TEX10: variants seen among roughly 807,000 people sequenced by gnomAD.
The protein encoded by TEX10 is testis expressed 10, also known as testis-expressed protein 10.
A neutral mutation model predicts 104.4 loss-of-function variants in TEX10; 24 were observed. The ratio of observed to expected loss-of-function variants is 0.23; its 90% confidence interval spans 0.17 to 0.32. The LOEUF (loss-of-function observed/expected upper bound fraction) is 0.32, where lower values mean the gene tolerates loss of function less well. Ranked by LOEUF, TEX10 falls within the 10% of genes least tolerant of loss-of-function variation. TEX10 has a pLI of 1.00. For synonymous variants in TEX10, 396 were observed against 393.4 expected, an observed-to-expected ratio of 1.01 and a Z score of -0.08; for missense variants, 921 against 1,083.9, an observed-to-expected ratio of 0.85 and a Z score of 2.11.
At chr9:100,352,374 C>T in intron 1 of TEX10, 6 of 1,551,698 alleles carry the variant, frequency 3.9e-6, no homozygotes, top group African/African-American at 1.4e-5. Context: ...CCAGCTCATC[C>T]CCACTCCGTA....
intron 11 of TEX10, among the ~76,000 whole-genome samples, chr9:100,310,642 T>C (rs1456373134): frequency 1.3e-5 from 2 of 152,170 alleles, no homozygotes; most frequent in Non-Finnish European, 2.9e-5. Context: ...TCCACCATTT[T>C]GCCCAGGCTT....
At chr9:100,321,159 G>A (rs1199674476) in intron 10 of TEX10, among the ~76,000 whole-genome samples, 1 of 152,050 alleles carries the variant, frequency 6.6e-6, no homozygotes, top group South Asian at 2.1e-4. Context: ...CACCTCAAAT[G>A]TATACATTCA....
At chr9:100,336,445 G>A (rs1430390133) in intron 5 of TEX10, among the ~76,000 whole-genome samples, 1 of 152,178 alleles carries the variant, frequency 6.6e-6, no homozygotes, top group Non-Finnish European at 1.5e-5. Flanking sequence ...ATAGGAGCAT[G>A]AACCCTATTG....
chr9:100,343,026 G>A (rs1835211464), intron 4 of TEX10, among the ~76,000 whole-genome samples: 1 of 151,684 alleles, frequency 6.6e-6, no homozygotes, highest in Non-Finnish European at 1.5e-5. Flanking sequence ...GCAGGCGCCT[G>A]TAGTCCCAGA....
chr9:100,313,845 CAAAAAAA>C (rs34304010), intron 11 of TEX10, among the ~76,000 whole-genome samples: 1 of 90,734 alleles, frequency 1.1e-5, no homozygotes, highest in East Asian at 3.0e-4. Flanking sequence ...ACTGTGTTTC[CAAAAAAA>C]AAAAAAAAAA....
intron 13 of TEX10, chr9:100,307,609 C>A (rs1435273553): frequency 6.6e-6 from 1 of 151,798 alleles, no homozygotes; most frequent in Non-Finnish European, 1.5e-5. Flanking sequence ...CACAAATGCA[C>A]ATAAAACCAT....
chr9:100,341,702 C>G (rs1835178878), intron 4 of TEX10, among the ~76,000 whole-genome samples: 2 of 152,114 alleles, frequency 1.3e-5, no homozygotes, highest in South Asian at 4.1e-4. Flanking sequence ...CAATTCCCCA[C>G]ACAGCAGCCA....
At chr9:100,322,573 T>G (rs1422798920) in intron 9 of TEX10, among the ~76,000 whole-genome samples, 2 of 152,150 alleles carry the variant, frequency 1.3e-5, no homozygotes, top group Non-Finnish European at 2.9e-5. Context: ...TATAAGTACT[T>G]AGTAATTTTT....
chr9:100,311,512 GA>G (rs1834281425), intron 11 of TEX10, among the ~76,000 whole-genome samples: 1 of 152,182 alleles, frequency 6.6e-6, no homozygotes, highest in Non-Finnish European at 1.5e-5. Flanking sequence ...TGCTATGACA[GA>G]AAGATCTGAG....
Position 100,346,463 on chromosome 9 carries a change from T to C in TEX10, c.894-148A>G. 3 of 1,125,094 alleles carry C rather than the reference T, an allele frequency of 2.7e-6. No homozygotes were observed. The South Asian group carries it at 5.5e-5, about 21-fold the overall frequency. The allele number at this position is 1,125,094 out of a possible 1,614,324, so 69.7% of individuals were successfully genotyped here. On this transcript the variant is annotated intron_variant, in intron 3 of 14. Transcript: ENST00000374902. ...TCAAAACTAGTAAGAAAAATGAAATTCTAAGATGACAAAGCCAAAAGATAT... is the reference window on the plus strand; with the variant it reads ...TCAAAACTAGTAAGAAAAATGAAATCCTAAGATGACAAAGCCAAAAGATAT...
rs1307031269 is a variant in TEX10, at chr9:100,303,665, C to T, written c.2643G>A (p.Ala881=). 11 of 1,613,950 alleles carry T rather than the reference C, an allele frequency of 6.8e-6. No individual in the cohort carries two copies. The highest frequency in any genetic ancestry group is 2.7e-5 in the African/African-American group (2 of 74,880). ...APLRTHMLTN[A]ILVQQIIKNI... ...TCTTGATGATCTGCTGCACCAAGAT[C>T]GCATTGGTCAACATATGAGTCCTGA... Residue 881 remains alanine (A), a synonymous_variant, in exon 14 of 15, where the codon GCG becomes GCA. Transcript: ENST00000374902.
intron 14 of TEX10, among the ~76,000 whole-genome samples, chr9:100,302,997 G>T (rs1279911971): frequency 1.3e-5 from 2 of 148,536 alleles, no homozygotes; most frequent in African/African-American, 5.0e-5. Context: ...AACAGACACA[G>T]CTGAAGGCAG....
chr9:100,328,623 T>C (rs1440819492), intron 7 of TEX10, among the ~76,000 whole-genome samples: 1 of 152,232 alleles, frequency 6.6e-6, no homozygotes, highest in East Asian at 1.9e-4. Context: ...TACCTATATA[T>C]GTTGAGGTAT....
intron 9 of TEX10, 44 bp downstream of exon 9, chr9:100,326,257 GA>G (rs1374509315): frequency 5.7e-6 from 9 of 1,574,088 alleles, no homozygotes; most frequent in Non-Finnish European, 7.8e-6. Context: ...AGTAAAAGGG[GA>G]AAAAGATTAT....
chr9:100,318,985 A>C (rs1834495446), intron 11 of TEX10, among the ~76,000 whole-genome samples: 1 of 144,708 alleles, frequency 6.9e-6, no homozygotes, highest in Non-Finnish European at 1.6e-5. Flanking sequence ...TGAGGTTAGG[A>C]ATTCAAGACC....
intron 13 of TEX10, chr9:100,307,724 G>A (rs1834177587): frequency 6.6e-6 from 1 of 152,046 alleles, no homozygotes; most frequent in Non-Finnish European, 1.5e-5. Context: ...TATATGTGCT[G>A]ATGATATTCT....
chr9:100,321,523 T>G (rs763221032), intron 10 of TEX10, among the ~76,000 whole-genome samples, 160 bp downstream of exon 10: 12 of 152,188 alleles, frequency 7.9e-5, no homozygotes, highest in Non-Finnish European at 1.3e-4. Flanking sequence ...GTTAGAAATA[T>G]TCTTTCGATT....
At chr9:100,303,916 A>C in intron 13 of TEX10, 74 bp from the exon 14 acceptor site, 24 of 1,346,716 alleles carry the variant, frequency 1.8e-5, no homozygotes, top group Non-Finnish European at 2.3e-5. Flanking sequence ...TATTCCCCCA[A>C]AGTGAAATGT....
chr9:100,351,159 G>A (rs1173125798), intron 1 of TEX10, among the ~76,000 whole-genome samples: 1 of 151,854 alleles, frequency 6.6e-6, no homozygotes, highest in Non-Finnish European at 1.5e-5. Flanking sequence ...TTTTAACAAT[G>A]TACCTCAGAA....
Sources: allele counts gnomAD v4.1 joint callset (sites outside exome capture counted in the v4.1 genomes callset), GRCh38; gene constraint gnomAD v4.1.1; transcripts MANE v1.5; gene names NCBI Gene and HGNC (gene_info 2026-07-23, HGNC 2026-07-21).